The following DSG1 variants were observed in gnomAD, a reference collection of about 807,000 sequenced individuals.
DSG1 encodes the protein desmoglein 1, also known as desmoglein-1.
DSG1 carries 39 observed loss-of-function variants against 97.5 expected under a neutral mutation model. The ratio of observed to expected loss-of-function variants is 0.40; its 90% CI spans 0.31 to 0.52. DSG1 has a LOEUF of 0.52. DSG1 is among the 20% of genes least tolerant of loss of function. The probability of loss-of-function intolerance (pLI) is 0.53; values close to 1 mark genes in which losing one functional copy is unlikely to be tolerated. For missense variants in DSG1, 1,311 were observed against 1,295.4 expected, an observed-to-expected ratio of 1.01 and a Z score of -0.18; for synonymous variants, 475 against 443.4, an observed-to-expected ratio of 1.07 and a Z score of -0.90.
chr18:31,358,593 A>G lies in DSG1; in HGVS notation c.*3247A>G, dbSNP rs2071977918. Among the ~76,000 whole-genome samples, 1 of 152,046 alleles carries G rather than the reference A, an allele frequency of 6.6e-6. No individual in the cohort carries two copies. The highest frequency in any genetic ancestry group is 6.5e-5 in the Admixed American group (1 of 15,268). On this transcript the variant is annotated 3_prime_UTR_variant, in exon 15 of 15. Transcript: ENST00000257192. ...ATTTCTGAATTTATACCAATGTTTG[A>G]TTGTCATGGTACAAAATATATGACA...
At chr18:31,340,424 T>A (rs1229733383) in intron 11 of DSG1, among the ~76,000 whole-genome samples, 1 of 151,618 alleles carries the variant, frequency 6.6e-6, no homozygotes, top group Non-Finnish European at 1.5e-5. Flanking sequence ...CTGGCCAATA[T>A]GGTGAAGCCC....
chr18:31,331,992 A>G, intron 6 of DSG1, 125 bp downstream of exon 6: 2 of 890,556 alleles, frequency 2.2e-6, no homozygotes, highest in Admixed American at 2.7e-5. Context: ...ACTTTTTCAC[A>G]TAATTCTTTC....
At chr18:31,326,517 G>A (rs1158204994) in intron 1 of DSG1, 64 bp from the exon 2 acceptor site, 4 of 1,237,468 alleles carry the variant, frequency 3.2e-6, no homozygotes, top group Non-Finnish European at 4.7e-6. Flanking sequence ...AAAGTAACTG[G>A]ATAATATAAA....
intron 4 of DSG1, 140 bp downstream of exon 4, chr18:31,328,484 C>T (rs900328089): frequency 4.9e-6 from 4 of 816,588 alleles, no homozygotes; most frequent in Admixed American, 2.3e-5. Context: ...GAGCATCCCA[C>T]GACTGAAAAG....
intron 13 of DSG1, among the ~76,000 whole-genome samples, chr18:31,344,827 TA>T: frequency 6.6e-6 from 1 of 152,348 alleles, no homozygotes; most frequent in Non-Finnish European, 1.5e-5. Flanking sequence ...TCAAGGTAAA[TA>T]AATACTATTG....
intron 14 of DSG1, among the ~76,000 whole-genome samples, chr18:31,353,656 A>G (rs555274083): frequency 0.037 from 5,583 of 151,078 alleles, 309 homozygotes; most frequent in African/African-American, 0.13. Context: ...AGCCAGGTGC[A>G]GGATATAATC....
chr18:31,328,408 C>T, intron 4 of DSG1, 64 bp downstream of exon 4: 1 of 1,505,980 alleles, frequency 6.6e-7, no homozygotes, highest in Non-Finnish European at 9.2e-7. Context: ...TTCTTAATCT[C>T]AGATCATACT....
At chr18:31,326,557 G>T (rs941164263) in intron 1 of DSG1, 24 bp from the exon 2 acceptor site, 3 of 1,547,426 alleles carry the variant, frequency 1.9e-6, no homozygotes, top group Non-Finnish European at 2.7e-6. Flanking sequence ...AAAATAACTA[G>T]TGTGATTATC....
chr18:31,324,905 C>G (rs2071676397), intron 1 of DSG1, among the ~76,000 whole-genome samples: 1 of 152,234 alleles, frequency 6.6e-6, no homozygotes, highest in Non-Finnish European at 1.5e-5. Context: ...TATTTTCCTA[C>G]TGCACACAGG....
intron 1 of DSG1, among the ~76,000 whole-genome samples, chr18:31,325,392 T>C (rs770118175): frequency 6.6e-6 from 1 of 152,218 alleles, no homozygotes; most frequent in African/African-American, 2.4e-5. Flanking sequence ...TCTGTAGCTA[T>C]GAAGAAATGG....
chr18:31,339,951 A>G lies in DSG1; in HGVS notation c.1613A>G (p.Asp538Gly), dbSNP rs750082937. The G allele has an allele frequency of 6.2e-7, 1 of 1,614,000 alleles. No homozygotes were observed. The highest frequency in any genetic ancestry group is 1.1e-5 in the South Asian group (1 of 91,060). ...YSSEPGNGAK[D>G]LLSDNVHFGP... ...TCTGAACCCGGAAACGGAGCCAAAG[A>G]TTTGTTATCAGACAATGTACATTTT... The change falls in exon 11 of 15, where the codon GAT (aspartate) becomes GGT (glycine). Residue 538 changes from aspartate (D) to glycine (G), a missense_variant. Physicochemically the swap from Asp to Gly is moderately conservative, Grantham distance 94. This residue lies in a region of DSG1 where 1,038 missense variants were observed against 964.6 expected (regional missense o/e 1.08). Transcript: ENST00000257192.
At chr18:31,318,993 T>A (rs1463379682) in intron 1 of DSG1, among the ~76,000 whole-genome samples, 1 of 152,202 alleles carries the variant, frequency 6.6e-6, no homozygotes, top group Non-Finnish European at 1.5e-5. Context: ...GAAGTGGCTA[T>A]AATTAAAGAG....
chr18:31,336,308 C>A, intron 8 of DSG1, 46 bp from the exon 9 acceptor site: 11 of 1,555,580 alleles, frequency 7.1e-6, no homozygotes, highest in Non-Finnish European at 8.7e-6. Flanking sequence ...TCACCTGGAA[C>A]GTTTTATTTT....
intron 11 of DSG1, among the ~76,000 whole-genome samples, chr18:31,342,964 A>G (rs1348176071): frequency 1.3e-5 from 2 of 151,038 alleles, no homozygotes; most frequent in African/African-American, 2.4e-5. Flanking sequence ...CAGTGGCACA[A>G]CCACCGCCCA....
At chr18:31,342,405 C>G (rs1392834768) in intron 11 of DSG1, among the ~76,000 whole-genome samples, 2 of 151,986 alleles carry the variant, frequency 1.3e-5, no homozygotes, top group African/African-American at 4.8e-5. Flanking sequence ...TTTCTTCTCT[C>G]CCTCTCTCCC....
chr18:31,319,493 C>A (rs1317152573), intron 1 of DSG1, among the ~76,000 whole-genome samples: 1 of 152,118 alleles, frequency 6.6e-6, no homozygotes, highest in Non-Finnish European at 1.5e-5. Context: ...TCCAAGCTTT[C>A]CTTCAAACAT....
At chr18:31,320,450 T>C (rs2071646713) in intron 1 of DSG1, among the ~76,000 whole-genome samples, 1 of 152,272 alleles carries the variant, frequency 6.6e-6, no homozygotes, top group South Asian at 2.1e-4. Context: ...GGGTAACTAT[T>C]TGTTTGCAAG....
Position 31,355,288 on chromosome 18 carries a change from C to G in DSG1, c.3092C>G (p.Ser1031Cys), listed in dbSNP as rs2071946337. ...HHFNQTIGSA[S>C]PSTARSRITK... ...TTTAACCAAACCATTGGGTCCGCCT[C>G]CCCTAGCACAGCTCGAAGTCGAATC... The change falls in exon 15 of 15, where the codon TCC (serine) becomes TGC (cysteine). Residue 1031 changes from serine to cysteine, a missense_variant. By Grantham distance (112) the Ser-to-Cys change is moderately radical. Around this residue, in one of 3 missense-constraint regions of DSG1, gnomAD observed 1,038 missense variants for 964.6 expected, o/e 1.08. Coordinates refer to ENST00000257192, the MANE Select transcript of DSG1 (RefSeq NM_001942.4). The G allele has an allele frequency of 6.2e-7, 1 of 1,614,000 alleles. No homozygotes were observed. Among genetic ancestry groups the G allele is most frequent in the African/African-American group, 1.3e-5 (1 of 74,940 alleles).
At chr18:31,328,492 A>G (rs2071700561) in intron 4 of DSG1, 148 bp downstream of exon 4, 3 of 772,238 alleles carry the variant, frequency 3.9e-6, no homozygotes, top group Non-Finnish European at 6.3e-6. Context: ...CACGACTGAA[A>G]AGAAATGCAA....
Sources: gnomAD v4.1 joint callset for allele counts (sites outside exome capture counted in the v4.1 genomes callset) on GRCh38, gnomAD v4.1.1 for gene constraint, gnomAD v4.1.1 regional missense constraint, MANE v1.5 for transcripts, NCBI Gene and HGNC (gene_info 2026-07-23, HGNC 2026-07-21) for gene names.